Variants in RAMP1 observed in about 807,000 individuals in gnomAD.
RAMP1 encodes receptor activity-modifying protein 1.
In RAMP1, 7 loss-of-function variants were observed where a neutral mutation model predicts 8.2. The ratio of observed to expected loss-of-function variants is 0.85; its 90% CI spans 0.49 to 1.60. RAMP1 has a LOEUF of 1.60. RAMP1 is among the 40% of genes most tolerant of loss of function. The pLI is 0.00. For synonymous variants in RAMP1, 92 were observed against 84.7 expected (o/e 1.09, Z -0.47); for missense variants, 192 against 202.4 (o/e 0.95, Z 0.31).
intron 1 of RAMP1, among the ~76,000 whole-genome samples, chr2:237,876,683 G>A (rs1318141947): frequency 6.6e-6 from 1 of 152,216 alleles, no homozygotes; most frequent in African/African-American, 2.4e-5. Context: ...GAGCTACGGG[G>A]GAAATTAGTC....
chr2:237,872,388 A>G (rs1311534131), intron 1 of RAMP1, among the ~76,000 whole-genome samples: 1 of 152,144 alleles, frequency 6.6e-6, no homozygotes, highest in Non-Finnish European at 1.5e-5. Context: ...TGGCCAGGTG[A>G]CTGCCCAGGT....
chr2:237,869,425 A>G (rs1277071303), intron 1 of RAMP1, among the ~76,000 whole-genome samples: 1 of 152,162 alleles, frequency 6.6e-6, no homozygotes, highest in Non-Finnish European at 1.5e-5. Flanking sequence ...ACTCTGTCCC[A>G]GTTAAACACT....
chr2:237,889,268 G>A (rs558615002), intron 2 of RAMP1, among the ~76,000 whole-genome samples: 7 of 152,274 alleles, frequency 4.6e-5, no homozygotes, highest in East Asian at 3.9e-4. Flanking sequence ...AGACTCTGTC[G>A]TCTCAATTGT....
At chr2:237,898,141 C>T (rs1466579069) in intron 2 of RAMP1, among the ~76,000 whole-genome samples, 1 of 152,142 alleles carries the variant, frequency 6.6e-6, no homozygotes, top group Non-Finnish European at 1.5e-5. Context: ...TGGCATTTCC[C>T]CTTATGCTGT....
Position 237,896,256 on chromosome 2 carries a change from C to G in RAMP1, c.192-15272C>G, listed in dbSNP as rs181906901. Among the ~76,000 whole-genome samples the G allele has an allele frequency of 2.0e-5, 3 of 152,224 alleles. No homozygotes were observed. In the South Asian group the frequency reaches 6.2e-4, roughly 31 times the overall value. On this transcript the variant is annotated intron_variant, in intron 2 of 2. Coordinates refer to ENST00000254661, the MANE Select transcript of RAMP1 (RefSeq NM_005855.4). ...TCTCAGAGGAGGTATTATGCCCGTC[C>G]GCCCGCCTGCTGTGGCTGCTCTGTG...
chr2:237,898,915 G>C (rs935206154), intron 2 of RAMP1, among the ~76,000 whole-genome samples: 1 of 152,244 alleles, frequency 6.6e-6, no homozygotes, highest in Non-Finnish European at 1.5e-5. Context: ...GCTATTCACA[G>C]AATCCTGGGT....
At chr2:237,880,154 T>C (rs1400343924) in intron 2 of RAMP1, among the ~76,000 whole-genome samples, 3 of 152,116 alleles carry the variant, frequency 2.0e-5, no homozygotes, top group Non-Finnish European at 4.4e-5. Flanking sequence ...CCTGGAACTG[T>C]CGATGTGTCA....
At chr2:237,902,676 C>T (rs907056544) in intron 2 of RAMP1, among the ~76,000 whole-genome samples, 8 of 152,152 alleles carry the variant, frequency 5.3e-5, no homozygotes, top group African/African-American at 1.9e-4. Flanking sequence ...CCCCATGAGC[C>T]GCTGTCACCA....
At chr2:237,866,727 T>C (rs75291151) in intron 1 of RAMP1, among the ~76,000 whole-genome samples, 1 of 105,606 alleles carries the variant, frequency 9.5e-6, no homozygotes, top group African/African-American at 4.0e-5. Context: ...TACTGTATTC[T>C]TTTTTTTTTT....
chr2:237,878,142 C>T lies in RAMP1; in HGVS notation c.191+780C>T. 1 of 985,474 alleles carries T rather than the reference C, an allele frequency of 1.0e-6. No homozygotes were observed. The allele number at this position is 985,474 out of a possible 1,614,324, so 61.0% of individuals were successfully genotyped here. On this transcript the variant is annotated intron_variant, in intron 2 of 2. Transcript: ENST00000254661. The surrounding 1 kb of genome is among the most constrained non-coding windows in gnomAD (Gnocchi z 5.7). ...CGGGGTCAGCAGTGCATGCGTGGAGCTGAAGGCCACCGCCTCCCTGCCATG... is the reference window on the plus strand; with the variant it reads ...CGGGGTCAGCAGTGCATGCGTGGAGTTGAAGGCCACCGCCTCCCTGCCATG...
At chr2:237,866,753 G>C (rs991294770) in intron 1 of RAMP1, among the ~76,000 whole-genome samples, 16 of 148,444 alleles carry the variant, frequency 1.1e-4, no homozygotes, top group African/African-American at 4.0e-4. Context: ...TTTTGAGACT[G>C]AGTCTCCCTC....
At chr2:237,896,310 G>A (rs1373953806) in intron 2 of RAMP1, among the ~76,000 whole-genome samples, 3 of 152,234 alleles carry the variant, frequency 2.0e-5, no homozygotes, top group Non-Finnish European at 4.4e-5. Flanking sequence ...CTCCCAGGCT[G>A]TGTCTGGTGC....
At chr2:237,881,092 C>A (rs879457384) in intron 2 of RAMP1, among the ~76,000 whole-genome samples, 7 of 152,196 alleles carry the variant, frequency 4.6e-5, no homozygotes, top group African/African-American at 9.6e-5. Context: ...TCCTGTATAT[C>A]TTTTGCATAA....
intron 2 of RAMP1, among the ~76,000 whole-genome samples, chr2:237,888,245 G>A (rs190914436): frequency 6.7e-6 from 1 of 149,964 alleles, no homozygotes; most frequent in African/African-American, 2.5e-5. Flanking sequence ...AGTAGAGACA[G>A]GGTTTCACTA....
At chr2:237,864,556 C>T (rs922908539) in intron 1 of RAMP1, among the ~76,000 whole-genome samples, 4 of 152,214 alleles carry the variant, frequency 2.6e-5, no homozygotes, top group Admixed American at 6.5e-5. Flanking sequence ...CACCCATCTG[C>T]CACCTCACAC....
At position 237,910,155 on chromosome 2, in the gene RAMP1, AAC is replaced by A. The variant is rs1482632901; in HGVS notation, c.192-1369_192-1368del. ...ACGTACCCGGTCACACACACAGAAT[AAC>A]ACAGTCACACGTGCACACACAGGTT... is the stretch of plus-strand genomic sequence containing the variant. On this transcript the variant is annotated intron_variant, in intron 2 of 2. Coordinates refer to ENST00000254661, the MANE Select transcript of RAMP1 (RefSeq NM_005855.4). Among the ~76,000 whole-genome samples the A allele has an allele frequency of 3.9e-5, 6 of 152,062 alleles. No individual in the cohort carries two copies. The East Asian group carries it at 5.8e-4, about 15-fold the overall frequency.
intron 2 of RAMP1, among the ~76,000 whole-genome samples, chr2:237,897,145 C>T (rs937007142): frequency 2.0e-5 from 3 of 152,216 alleles, no homozygotes; most frequent in African/African-American, 4.8e-5. Flanking sequence ...CCCAGAGCCC[C>T]GCATGCAACC....
At chr2:237,901,852 C>T (rs1290678564) in intron 2 of RAMP1, among the ~76,000 whole-genome samples, 4 of 43,060 alleles carry the variant, frequency 9.3e-5, no homozygotes, top group Non-Finnish European at 1.6e-4. Flanking sequence ...AGATGCCAAG[C>T]CCCCACATAC....
chr2:237,892,757 CTT>C (rs942115150), intron 2 of RAMP1, among the ~76,000 whole-genome samples: 146 of 151,122 alleles, frequency 9.7e-4, no homozygotes, highest in African/African-American at 3.5e-3. Flanking sequence ...CTCTCTCTCT[CTT>C]CTCCATCCTT....
Sources: allele counts gnomAD v4.1 joint callset (sites outside exome capture counted in the v4.1 genomes callset), GRCh38; gene constraint gnomAD v4.1.1; non-coding constraint Gnocchi (gnomAD v3.1); transcripts MANE v1.5; gene names NCBI Gene and HGNC (gene_info 2026-07-23, HGNC 2026-07-21).